NCOR1: variants seen among roughly 807,000 people sequenced by gnomAD.
The protein encoded by NCOR1 is nuclear receptor corepressor 1.
NCOR1 carries 63 observed loss-of-function variants against 288.1 expected under a neutral mutation model. The ratio of observed to expected loss-of-function variants is 0.22; its 90% CI spans 0.18 to 0.27. The LOEUF is 0.27. Among genes scored for constraint, NCOR1 ranks in the 10% least tolerant of loss-of-function variants. The probability of loss-of-function intolerance (pLI) is 1.00; values close to 1 mark genes in which losing one functional copy is unlikely to be tolerated. For synonymous variants in NCOR1, 1,007 were observed against 1,065.9 expected (o/e 0.94, Z 1.08); for missense variants, 2,397 against 3,019.2 (o/e 0.79, Z 4.83).
chr17:16,098,571 C>T (rs2067056807), intron 20 of NCOR1, 75 bp from the exon 21 acceptor site: 2 of 1,351,282 alleles, frequency 1.5e-6, no homozygotes, highest in Non-Finnish European at 2.0e-6. Context: ...ATAAGTTCTT[C>T]TAAGTTAGTA....
chr17:16,039,574 T>A lies in NCOR1; in HGVS notation c.6814A>T (p.Met2272Leu), dbSNP rs749587059. The A allele has an allele frequency of 4.3e-6, 7 of 1,614,020 alleles. No homozygotes were observed. The highest frequency in any genetic ancestry group is 5.9e-6 in the Non-Finnish European group (7 of 1,180,030). Residue 2272 changes from methionine to leucine, a missense_variant, in exon 44 of 46, where the codon ATG (methionine) becomes TTG (leucine). Physicochemically the swap from Met to Leu is conservative, Grantham distance 15. Coordinates refer to ENST00000268712, the MANE Select transcript of NCOR1 (RefSeq NM_006311.4). Reference protein sequence around the residue: ...GLEDIIRKALMGSFDDKVEDH... With the variant: ...GLEDIIRKALLGSFDDKVEDH... Reference sequence around the variant, plus strand: ...TCAACTTTGTCATCAAAGCTTCCCATGAGAGCCTTCCTGATAATGTCTTCC... The same window carrying A: ...TCAACTTTGTCATCAAAGCTTCCCAAGAGAGCCTTCCTGATAATGTCTTCC...
intron 14 of NCOR1, among the ~76,000 whole-genome samples, chr17:16,127,703 A>G (rs1044602155): frequency 2.2e-5 from 3 of 135,590 alleles, no homozygotes; most frequent in Admixed American, 7.5e-5. Context: ...ATATATGTAT[A>G]TATGTGTGTG....
intron 40 of NCOR1, among the ~76,000 whole-genome samples, chr17:16,056,064 C>T (rs1203699962): frequency 6.6e-6 from 1 of 151,070 alleles, no homozygotes; most frequent in African/African-American, 2.4e-5. Context: ...TGAAAACTTC[C>T]ACAATAATTT....
intron 3 of NCOR1, among the ~76,000 whole-genome samples, chr17:16,182,027 T>A (rs1300028120): frequency 2.0e-5 from 3 of 152,216 alleles, no homozygotes; most frequent in East Asian, 3.9e-4. Flanking sequence ...TCAAAAAAAA[T>A]AATTTTAGAT....
At chr17:16,157,538 T>A (rs770832625) in intron 6 of NCOR1, among the ~76,000 whole-genome samples, 3 of 152,174 alleles carry the variant, frequency 2.0e-5, no homozygotes, top group Non-Finnish European at 4.4e-5. Context: ...ATTGCTTTAT[T>A]TAAGGTCAAT....
At chr17:16,199,960 C>T (rs1403950396) in intron 1 of NCOR1, among the ~76,000 whole-genome samples, 2 of 151,950 alleles carry the variant, frequency 1.3e-5, no homozygotes, top group African/African-American at 4.8e-5. Flanking sequence ...TACAATATTG[C>T]AAAATGAAAT....
intron 1 of NCOR1, among the ~76,000 whole-genome samples, chr17:16,200,301 C>T (rs1233667009): frequency 6.6e-6 from 1 of 151,658 alleles, no homozygotes; most frequent in African/African-American, 2.4e-5. Context: ...TCCTGGCCAA[C>T]GTGGTAAAAC....
Position 16,065,554 on chromosome 17 carries a change from G to A in NCOR1, c.4882C>T (p.Arg1628Cys), listed in dbSNP as rs754505756. ...GAGAGTCCTCTGGCCACATCTGGAC[G>A]CAAGTTCACTTGCATCTGTTGTGAG... is the stretch of plus-strand genomic sequence containing the variant. ...ITSQQMQVNL[R>C]PDVARGLSPR... Residue 1628 changes from arginine (R) to cysteine (C), a missense_variant, in exon 33 of 46, where the codon CGT (arginine) becomes TGT (cysteine). By Grantham distance (180) the Arg-to-Cys change is radical. Around this residue, in one of 11 missense-constraint regions of NCOR1, gnomAD observed 1,872 missense variants for 2,187.8 expected, o/e 0.86. Coordinates refer to ENST00000268712, the MANE Select transcript of NCOR1 (RefSeq NM_006311.4). 44 of 1,614,080 alleles carry A rather than the reference G, an allele frequency of 2.7e-5. No homozygotes were observed. The highest frequency in any genetic ancestry group is 3.7e-5 in the Non-Finnish European group (44 of 1,180,052).
chr17:16,128,519 G>C (rs755426907), intron 14 of NCOR1, among the ~76,000 whole-genome samples: 33 of 152,212 alleles, frequency 2.2e-4, no homozygotes, highest in Admixed American at 7.2e-4. Flanking sequence ...GCTCCCAGGA[G>C]AGTGTCTGGA....
intron 40 of NCOR1, 101 bp downstream of exon 40, chr17:16,057,413 A>AT: frequency 1.7e-6 from 2 of 1,189,906 alleles, no homozygotes; most frequent in Non-Finnish European, 1.2e-6. Flanking sequence ...AATAAAGGCA[A>AT]ATGAACTTTA....
Position 16,067,975 on chromosome 17 carries a change from T to C in NCOR1, c.4660A>G (p.Ser1554Gly). Residue 1554 changes from serine to glycine, a missense_variant, in exon 32 of 46, where the codon AGC becomes GGC. Around this residue, in one of 11 missense-constraint regions of NCOR1, gnomAD observed 1,872 missense variants for 2,187.8 expected, o/e 0.86. Transcript: ENST00000268712. The stretch of plus-strand genomic sequence containing the variant: ...CTCCGATAAACCTCGCCTGCAGTGC[T>C]GCCTCTGTGATGGGGATCAAACGGA... ...HSPFDPHHRG[S>G]TAGEVYRSHL... The C allele has an allele frequency of 3.1e-6, 5 of 1,614,246 alleles. No individual in the cohort carries two copies. The highest frequency in any genetic ancestry group is 4.2e-6 in the Non-Finnish European group (5 of 1,180,038).
At chr17:16,186,720 A>G in intron 2 of NCOR1, 33 bp from the exon 3 acceptor site, 2 of 1,598,582 alleles carry the variant, frequency 1.3e-6, no homozygotes, top group Middle Eastern at 3.3e-4. Context: ...TCAATTATTA[A>G]CCAAAAACTG....
chr17:16,106,883 ATTTTTTT>A (rs144246158), intron 19 of NCOR1, among the ~76,000 whole-genome samples: 6 of 31,408 alleles, frequency 1.9e-4, no homozygotes, highest in South Asian at 2.2e-3. Flanking sequence ...ATATATATAT[ATTTTTTT>A]TTTTTTTTTT....
intron 19 of NCOR1, among the ~76,000 whole-genome samples, chr17:16,107,370 G>T (rs1166311441): frequency 6.6e-6 from 1 of 152,038 alleles, no homozygotes; most frequent in African/African-American, 2.4e-5. Context: ...AATCCAGTAG[G>T]AGTTGTCTTC....
chr17:16,065,678 C>T lies in NCOR1; in HGVS notation c.4758G>A (p.Leu1586=). Residue 1586 remains leucine, a synonymous_variant, in exon 33 of 46, where the codon CTG becomes CTA. Coordinates refer to ENST00000268712, the MANE Select transcript of NCOR1 (RefSeq NM_006311.4). ...GAGTTGGTGAAAGCTGTCTCTGAAA[C>T]AGGTAAGCAGCCGCTGCTGATTGAG... ...RALDPAAAAY[L]FQRQLSPTPG... is the part of the protein sequence containing the mutation. 1 of 1,614,184 alleles carries T rather than the reference C, an allele frequency of 6.2e-7. No homozygotes were observed. The highest frequency in any genetic ancestry group is 8.5e-7 in the Non-Finnish European group (1 of 1,180,024).
In NCOR1 at chr17:16,118,125, T is replaced by C. The variant is rs1319613265; in HGVS notation, c.1916-98A>G. On this transcript the variant is annotated intron_variant, in intron 17 of 45. Transcript: ENST00000268712. ...AACTTAATCACTGTATTCACAACCA[T>C]TGACACTAGAAGTGTGCTTTCAATT... The C allele has an allele frequency of 9.5e-6, 12 of 1,259,318 alleles. No individual in the cohort carries two copies. The East Asian group carries it at 2.6e-4, about 27-fold the overall frequency. 78.0% of individuals were successfully genotyped at this position (1,259,318 alleles called of 1,614,324 possible).
Position 16,127,316 on chromosome 17 carries a change from TGTATATATGTATGTATATATAC to T in NCOR1, c.1510-1132_1510-1111del, listed in dbSNP as rs2074450572. On this transcript the variant is annotated intron_variant, in intron 14 of 45. Transcript: ENST00000268712. ...ATGTATGTATGTATATATACATGTA[TGTATATATGTATGTATATATAC>T]ATGTATGTATATATGTATGTATATA... 1.0e-4 allele frequency among the ~76,000 whole-genome samples: 4 copies of T among 39,666 alleles called. 2 individuals are homozygous for T. The highest frequency in any genetic ancestry group is 1.7e-4 in the Non-Finnish European group (2 of 11,888). 26.0% of individuals were successfully genotyped at this position (39,666 alleles called of 152,430 possible).
chr17:16,176,266 T>C (rs1464316638), intron 3 of NCOR1, among the ~76,000 whole-genome samples: 1 of 152,018 alleles, frequency 6.6e-6, no homozygotes, highest in South Asian at 2.1e-4. Context: ...GTTTTTTGTT[T>C]TGTTTTGCTT....
At chr17:16,149,287 TAA>T (rs1222550896) in intron 9 of NCOR1, among the ~76,000 whole-genome samples, 162 bp downstream of exon 9, 2 of 100,190 alleles carry the variant, frequency 2.0e-5, no homozygotes, top group Admixed American at 2.0e-4. Context: ...GAATTAGATT[TAA>T]GTCATATATA....
Sources: allele counts gnomAD v4.1 joint callset (sites outside exome capture counted in the v4.1 genomes callset), GRCh38; gene constraint gnomAD v4.1.1; regional missense constraint gnomAD v4.1.1; transcripts MANE v1.5; gene names NCBI Gene and HGNC (gene_info 2026-07-23, HGNC 2026-07-21).